The following CREB3L2 variants were observed in gnomAD, a reference collection of about 807,000 sequenced individuals.
The protein encoded by CREB3L2 is cAMP responsive element binding protein 3 like 2.
A neutral mutation model predicts 57.2 loss-of-function variants in CREB3L2; 23 were observed. That is an observed-to-expected ratio of 0.40 (90% CI 0.29 to 0.57). The LOEUF (loss-of-function observed/expected upper bound fraction) is 0.57. Ranked by LOEUF, CREB3L2 falls within the 20% of genes least tolerant of loss-of-function variation. The pLI, the probability that CREB3L2 is intolerant of heterozygous loss-of-function variation, is 0.42. For missense variants in CREB3L2, 628 were observed against 634.7 expected (o/e 0.99, Z 0.11); for synonymous variants, 268 against 265.1 (o/e 1.01, Z -0.11).
intron 1 of CREB3L2, among the ~76,000 whole-genome samples, chr7:137,989,116 A>G (rs192136023): frequency 6.6e-6 from 1 of 152,348 alleles, no homozygotes; most frequent in East Asian, 1.9e-4. Flanking sequence ...TTCCAAAAAA[A>G]TCAAAAGAGG....
chr7:137,902,194 C>CCAAAAAA (rs1491340236), intron 7 of CREB3L2, among the ~76,000 whole-genome samples: 54 of 84,940 alleles, frequency 6.4e-4, no homozygotes, highest in African/African-American at 1.9e-3. Flanking sequence ...ACTCTGTCTC[C>CCAAAAAA]AAAAAAAAAA....
chr7:137,963,690 T>C (rs956779790), intron 1 of CREB3L2, among the ~76,000 whole-genome samples: 1 of 152,210 alleles, frequency 6.6e-6, no homozygotes, highest in Admixed American at 6.5e-5. Flanking sequence ...CTTACCTAAT[T>C]TTCCCCCAGG....
chr7:137,953,673 T>C (rs1801146867), intron 1 of CREB3L2: 3 of 451,808 alleles, frequency 6.6e-6, no homozygotes, highest in South Asian at 5.4e-5. Context: ...ACTGAGCTCT[T>C]TCTAATGCCA....
chr7:137,971,169 G>A (rs951780809), intron 1 of CREB3L2, among the ~76,000 whole-genome samples: 1 of 152,082 alleles, frequency 6.6e-6, no homozygotes, highest in African/African-American at 2.4e-5. Flanking sequence ...AAAAAACTGG[G>A]GCCAGGCGTG....
intron 1 of CREB3L2, among the ~76,000 whole-genome samples, chr7:137,985,603 G>A (rs1045390572): frequency 1.3e-5 from 2 of 152,054 alleles, no homozygotes; most frequent in African/African-American, 4.8e-5. Flanking sequence ...ATTTTCATTA[G>A]GAAAAAATAA....
intron 1 of CREB3L2, among the ~76,000 whole-genome samples, chr7:137,969,812 AAGAC>A (rs1188987806): frequency 6.8e-6 from 1 of 146,876 alleles, no homozygotes; most frequent in Non-Finnish European, 1.5e-5. Flanking sequence ...CATACGCAGA[AAGAC>A]AGAAAAATAA....
Position 137,877,693 on chromosome 7 carries a change from T to A in CREB3L2, c.*2783A>T. ...ATGGCTTATGGCCGCTCTGACAGAC[T>A]CGTATTTCTCAAAACTTACATTCAG... is the stretch of plus-strand genomic sequence containing the variant. On this transcript the variant is annotated 3_prime_UTR_variant, in exon 12 of 12. Coordinates refer to ENST00000330387, the MANE Select transcript of CREB3L2 (RefSeq NM_194071.4). 1 of 227,286 alleles carries A rather than the reference T, an allele frequency of 4.4e-6. No homozygotes were observed. The highest frequency in any genetic ancestry group is 6.4e-5 in the East Asian group (1 of 15,706). The allele number at this position is 227,286 out of a possible 1,614,324, so 14.1% of individuals were successfully genotyped here.
Position 137,880,479 on chromosome 7 carries a change from G to A in CREB3L2, c.1560C>T (p.Phe520=), listed in dbSNP as rs753419692. The A allele has an allele frequency of 1.2e-6, 2 of 1,612,664 alleles. No individual in the cohort carries two copies. The highest frequency in any genetic ancestry group is 4.5e-5 in the East Asian group (2 of 44,882). ...VELDRRVNTT[F] ...GGAGGGGGTGCAGGCAGCCTCTTTAGAAAGTGGTGTTCACTCTTCTGTCGA... is the reference window on the plus strand; with the variant it reads ...GGAGGGGGTGCAGGCAGCCTCTTTAAAAAGTGGTGTTCACTCTTCTGTCGA... Residue 520 remains phenylalanine (F), a synonymous_variant, in exon 12 of 12, where the codon TTC becomes TTT. Transcript: ENST00000330387. This position sits in a 1 kb window ranked among gnomAD's most constrained non-coding sequence, Gnocchi z 4.0.
rs767929146 is a variant in CREB3L2, at chr7:137,915,878, G to C, written c.454C>G (p.Pro152Ala). Residue 152 changes from proline (P) to alanine (A), a missense_variant, in exon 3 of 12, where the codon CCG (proline) becomes GCG (alanine). Around this residue, in one of 3 missense-constraint regions of CREB3L2, gnomAD observed 339 missense variants for 355.4 expected, o/e 0.95. Coordinates refer to ENST00000330387, the MANE Select transcript of CREB3L2 (RefSeq NM_194071.4). ...AGAGGAGGTTCCTCCTTTTCCAACGGGGTGGAGATGGCTGTGATGGTCAGA... is the reference window on the plus strand; with the variant it reads ...AGAGGAGGTTCCTCCTTTTCCAACGCGGTGGAGATGGCTGTGATGGTCAGA... ...VTLTITAIST[P>A]LEKEEPPLEM... 6.2e-7 allele frequency: 1 copy of C among 1,614,016 alleles called. No homozygotes were observed. Among genetic ancestry groups the C allele is most frequent in the Non-Finnish European group, 8.5e-7 (1 of 1,180,012 alleles).
intron 1 of CREB3L2, chr7:137,999,517 A>G (rs1426248075): frequency 6.6e-6 from 1 of 152,192 alleles, no homozygotes; most frequent in Non-Finnish European, 1.5e-5. Context: ...GAAAGAACAA[A>G]TATCTCTCTG....
At position 137,952,903 on chromosome 7, in the gene CREB3L2, C is replaced by T. The variant is rs187583265; in HGVS notation, c.103-24537G>A. On this transcript the variant is annotated intron_variant, in intron 1 of 11. Transcript: ENST00000330387. ...CGTGATCTTGGCTCACTACAACCTC[C>T]GCCTCCCGGGTTCCAGCGATTCTCC... Among the ~76,000 whole-genome samples, 87 of 152,238 alleles carry T rather than the reference C, an allele frequency of 5.7e-4. No homozygotes were observed. The East Asian group carries it at 0.015, about 26-fold the overall frequency.
chr7:137,905,840 C>T lies in CREB3L2; in HGVS notation c.777G>A (p.Gln259=). 1 of 1,610,308 alleles carries T rather than the reference C, an allele frequency of 6.2e-7. No individual in the cohort carries two copies. The highest frequency in any genetic ancestry group is 8.5e-7 in the Non-Finnish European group (1 of 1,178,544). The change falls in exon 6 of 12, where the codon CAG becomes CAA. Residue 259 remains glutamine, a synonymous_variant. Coordinates refer to ENST00000330387, the MANE Select transcript of CREB3L2 (RefSeq NM_194071.4). The part of the protein sequence containing the change: ...SPLLTAPHKL[Q]GSGPLVLTEE... ...CTGTCAGGACCAGAGGGCCTGATCCCTGCAGTTTCTGTGCAGACCAAGGAG... is the reference window on the plus strand; with the variant it reads ...CTGTCAGGACCAGAGGGCCTGATCCTTGCAGTTTCTGTGCAGACCAAGGAG...
At chr7:137,973,507 C>A (rs1038388550) in intron 1 of CREB3L2, among the ~76,000 whole-genome samples, 1 of 152,172 alleles carries the variant, frequency 6.6e-6, no homozygotes, top group African/African-American at 2.4e-5. Flanking sequence ...CTGCTGTGCT[C>A]CTTGGTGGGA....
chr7:137,978,562 C>A lies in CREB3L2; in HGVS notation c.102+23042G>T, dbSNP rs114914745. On this transcript the variant is annotated intron_variant, in intron 1 of 11. Transcript: ENST00000330387. ...GAAGTTGGCAATGGCAGGCCCGGTA[C>A]GATGTAAAGGTTAGGAAGTCATGTC... 5.2e-3 allele frequency among the ~76,000 whole-genome samples: 791 copies of A among 152,098 alleles called. 8 individuals are homozygous for A. The highest frequency in any genetic ancestry group is 0.018 in the African/African-American group (744 of 41,484).
At chr7:137,973,035 G>A (rs1801545072) in intron 1 of CREB3L2, among the ~76,000 whole-genome samples, 2 of 151,466 alleles carry the variant, frequency 1.3e-5, no homozygotes, top group African/African-American at 4.9e-5. Context: ...AGAGAACACA[G>A]ACACACACAC....
intron 1 of CREB3L2, among the ~76,000 whole-genome samples, chr7:137,970,091 C>T (rs569431495): frequency 6.6e-6 from 1 of 152,316 alleles, no homozygotes; most frequent in Non-Finnish European, 1.5e-5. Context: ...GCTGCCTACA[C>T]TGGAATACCA....
chr7:137,908,488 C>T, intron 4 of CREB3L2, 52 bp from the exon 5 acceptor site: 1 of 1,211,584 alleles, frequency 8.3e-7, no homozygotes, highest in Non-Finnish European at 1.0e-6. Context: ...AAGCAGGACA[C>T]AACTGATTTG....
chr7:137,972,180 C>T (rs1801518743), intron 1 of CREB3L2, among the ~76,000 whole-genome samples: 1 of 152,052 alleles, frequency 6.6e-6, no homozygotes, highest in Non-Finnish European at 1.5e-5. Context: ...CTTTGGGAGG[C>T]CTGTAATCCC....
chr7:137,908,514 A>T (rs1706273768), intron 4 of CREB3L2, 78 bp from the exon 5 acceptor site: 25 of 1,070,800 alleles, frequency 2.3e-5, no homozygotes, highest in African/African-American at 3.3e-5. Context: ...TAGCAAACTA[A>T]AGTGTGAGGG....
Sources: allele counts gnomAD v4.1 joint callset (sites outside exome capture counted in the v4.1 genomes callset), GRCh38; gene constraint gnomAD v4.1.1; regional missense constraint gnomAD v4.1.1; non-coding constraint Gnocchi (gnomAD v3.1); transcripts MANE v1.5; gene names NCBI Gene and HGNC (gene_info 2026-07-23, HGNC 2026-07-21).